The following LGR4 variants were observed in gnomAD, a reference collection of about 807,000 sequenced individuals.
The protein encoded by LGR4 is leucine-rich repeat-containing G protein-coupled receptor 4.
Under a neutral mutation model 84.8 loss-of-function variants are expected in LGR4, and 44 were observed. That is an observed-to-expected ratio of 0.52 (90% confidence interval 0.41 to 0.67). The LOEUF is 0.67. LGR4 is among the 30% of genes least tolerant of loss of function. The pLI, the probability that LGR4 is intolerant of heterozygous loss-of-function variation, is 0.00. For synonymous variants in LGR4, 429 were observed against 434.3 expected, an observed-to-expected ratio of 0.99 and a Z score of 0.15; for missense variants, 1,032 against 1,131.4, an observed-to-expected ratio of 0.91 and a Z score of 1.26.
chr11:27,412,713 C>A, intron 2 of LGR4, 76 bp downstream of exon 2: 1 of 896,110 alleles, frequency 1.1e-6, no homozygotes, highest in South Asian at 1.3e-5. Context: ...AAACATCAGA[C>A]TTTCTCTGTA....
At chr11:27,457,205 A>C (rs1864590186) in intron 1 of LGR4, among the ~76,000 whole-genome samples, 1 of 152,210 alleles carries the variant, frequency 6.6e-6, no homozygotes, top group African/African-American at 2.4e-5. Context: ...TGGAAATTCT[A>C]GTTAGCACAT....
chr11:27,410,914 G>T (rs369490108), intron 2 of LGR4, among the ~76,000 whole-genome samples: 50 of 152,188 alleles, frequency 3.3e-4, no homozygotes, highest in Middle Eastern at 3.4e-3. Context: ...GAATTCATGA[G>T]GTTGGCATAT....
chr11:27,406,377 T>C (rs933640111), intron 2 of LGR4, among the ~76,000 whole-genome samples: 2 of 152,114 alleles, frequency 1.3e-5, no homozygotes, highest in Non-Finnish European at 2.9e-5. Context: ...TACAGGGGCA[T>C]AGGCAGATCT....
At chr11:27,377,935 A>G (rs1052080565) in intron 11 of LGR4, among the ~76,000 whole-genome samples, 16 of 152,174 alleles carry the variant, frequency 1.1e-4, no homozygotes, top group Non-Finnish European at 2.2e-4. Context: ...TAGATATACA[A>G]ATATTTACTA....
chr11:27,401,142 G>A (rs192653549), intron 2 of LGR4, among the ~76,000 whole-genome samples: 101 of 152,268 alleles, frequency 6.6e-4, no homozygotes, highest in African/African-American at 2.3e-3. Flanking sequence ...TGCTGAGAAG[G>A]GAGAAGTTAT....
intron 2 of LGR4, among the ~76,000 whole-genome samples, chr11:27,406,065 C>T (rs1368431629): frequency 6.6e-6 from 1 of 152,076 alleles, no homozygotes; most frequent in African/African-American, 2.4e-5. Flanking sequence ...CCAAACCAAC[C>T]ATTTTTACCA....
chr11:27,450,664 T>G (rs1864467525), intron 1 of LGR4, among the ~76,000 whole-genome samples: 2 of 152,250 alleles, frequency 1.3e-5, no homozygotes, highest in South Asian at 4.1e-4. Flanking sequence ...GGCACACACC[T>G]GTAATCCCAC....
chr11:27,394,887 A>AT (rs1417558847), intron 2 of LGR4, among the ~76,000 whole-genome samples: 2 of 152,042 alleles, frequency 1.3e-5, no homozygotes, highest in Admixed American at 1.3e-4. Context: ...CAGGATGTGC[A>AT]TCTCAAACTT....
intron 1 of LGR4, among the ~76,000 whole-genome samples, chr11:27,468,884 G>A (rs776120834): frequency 5.3e-5 from 8 of 152,094 alleles, no homozygotes; most frequent in Admixed American, 2.0e-4. Context: ...CGAGGTCTAC[G>A]TTTCTCAAAC....
intron 1 of LGR4, among the ~76,000 whole-genome samples, chr11:27,425,060 T>C (rs952489703): frequency 6.6e-6 from 1 of 152,170 alleles, no homozygotes; most frequent in African/African-American, 2.4e-5. Flanking sequence ...ATATTAAGAT[T>C]AGTAGCCATC....
At chr11:27,430,749 A>G (rs1267692349) in intron 1 of LGR4, among the ~76,000 whole-genome samples, 3 of 152,044 alleles carry the variant, frequency 2.0e-5, no homozygotes, top group African/African-American at 7.3e-5. Context: ...TGACCTACAC[A>G]TGGCAGTCAA....
intron 1 of LGR4, among the ~76,000 whole-genome samples, chr11:27,459,280 T>C (rs11030014): frequency 0.27 from 40,985 of 151,992 alleles, 6,261 homozygotes; most frequent in African/African-American, 0.42. Flanking sequence ...AAAACCAGTC[T>C]ACATGTCTGA....
chr11:27,382,395 A>C, intron 6 of LGR4, 139 bp from the exon 7 acceptor site: 1 of 604,840 alleles, frequency 1.7e-6, no homozygotes, highest in South Asian at 2.2e-5. Context: ...TCGTCATTCA[A>C]AACCATGTAG....
chr11:27,419,423 A>G (rs965898431), intron 1 of LGR4, among the ~76,000 whole-genome samples: 14 of 151,866 alleles, frequency 9.2e-5, no homozygotes, highest in Non-Finnish European at 1.9e-4. Flanking sequence ...CCAAGTACTG[A>G]TAAAGATGTG....
intron 1 of LGR4, among the ~76,000 whole-genome samples, chr11:27,417,229 G>C (rs533872277): frequency 8.6e-5 from 13 of 151,794 alleles, no homozygotes; most frequent in Non-Finnish European, 1.8e-4. Context: ...AGAACACAGG[G>C]TTCTCTAAAA....
intron 15 of LGR4, 55 bp from the exon 16 acceptor site, chr11:27,372,453 T>G (rs1862905513): frequency 9.7e-7 from 1 of 1,029,268 alleles, no homozygotes; most frequent in African/African-American, 1.6e-5. Context: ...AGTTATGGTT[T>G]TGTTTTGTAA....
At chr11:27,377,020 T>A (rs766797387) in intron 12 of LGR4, 138 bp downstream of exon 12, 1 of 535,124 alleles carries the variant, frequency 1.9e-6, no homozygotes, top group African/African-American at 2.0e-5. Context: ...CTGGTTCAAT[T>A]TGACATGTTA....
chr11:27,412,923 C>T, intron 1 of LGR4, 63 bp from the exon 2 acceptor site: 1 of 1,051,854 alleles, frequency 9.5e-7, no homozygotes. Context: ...GTATTTAATC[C>T]AACAGAAAAC....
At chr11:27,454,592 T>C (rs1292498036) in intron 1 of LGR4, among the ~76,000 whole-genome samples, 1 of 152,038 alleles carries the variant, frequency 6.6e-6, no homozygotes, top group African/African-American at 2.4e-5. Flanking sequence ...AAACCCTGTC[T>C]CTACTAAAAA....
Sources: gnomAD v4.1 joint callset for allele counts (sites outside exome capture counted in the v4.1 genomes callset) on GRCh38, gnomAD v4.1.1 for gene constraint, MANE v1.5 for transcripts, NCBI Gene and HGNC (gene_info 2026-07-23, HGNC 2026-07-21) for gene names.